The following UTS2B variants were observed in gnomAD, a reference collection of about 807,000 sequenced individuals.
UTS2B encodes urotensin 2B, also known as urotensin-2B.
A neutral mutation model predicts 19.2 loss-of-function variants in UTS2B; 21 were observed. The observed-to-expected ratio is 1.09, with a 90% CI of 0.78 to 1.58. The LOEUF (loss-of-function observed/expected upper bound fraction) is 1.58, where lower values mean the gene tolerates loss of function less well. UTS2B is among the 40% of genes most tolerant of loss of function. The pLI is 0.00. For synonymous variants in UTS2B, 57 were observed against 50.2 expected, an observed-to-expected ratio of 1.14 and a Z score of -0.58; for missense variants, 138 against 130.3, an observed-to-expected ratio of 1.06 and a Z score of -0.29.
intron 7 of UTS2B, 83 bp downstream of exon 7, chr3:191,276,719 ATAATT>A (rs1716245775): frequency 4.4e-6 from 5 of 1,133,630 alleles, no homozygotes; most frequent in Non-Finnish European, 6.3e-6. Flanking sequence ...TGTAGTATTA[ATAATT>A]TATTTTAAAA....
chr3:191,286,690 T>G (rs2603678), intron 4 of UTS2B, among the ~76,000 whole-genome samples: 1 of 151,770 alleles, frequency 6.6e-6, no homozygotes, highest in South Asian at 2.1e-4. Context: ...AATAAACACC[T>G]ATTACATCTC....
the UTS2B span, among the ~76,000 whole-genome samples, chr3:191,340,861 G>A: frequency 6.6e-6 from 1 of 152,116 alleles, no homozygotes; most frequent in Non-Finnish European, 1.5e-5. Context: ...CTAGAGACAG[G>A]GTTTCACTCT....
chr3:191,275,223 A>C (rs1373210371), intron 8 of UTS2B, 29 bp downstream of exon 8: 13 of 1,505,364 alleles, frequency 8.6e-6, no homozygotes, highest in Non-Finnish European at 1.1e-5. Context: ...TTTGGAAGTC[A>C]ATCTTAAAAC....
In UTS2B at chr3:191,316,240, T is replaced by C. The variant is rs12486514; in HGVS notation, c.-386A>G. 5,533 of 152,862 alleles carry C rather than the reference T, an allele frequency of 0.036. 264 individuals carry two copies. Among genetic ancestry groups the C allele is most frequent in the East Asian group, 0.21 (1,097 of 5,186 alleles). The allele number at this position is 152,862 out of a possible 1,614,324, so 9.5% of individuals were successfully genotyped here. A position where few individuals can be genotyped will look rare whatever the true frequency, so the allele number is the denominator to read the frequency against. On this transcript the variant is annotated 5_prime_UTR_variant, in exon 3 of 9. Transcript: ENST00000340524. ...TGCCGGAATTGGTGGGTTCTTGGTC[T>C]CACAGACTTAAAGAATGAAGCCGCA... is the stretch of plus-strand genomic sequence containing the variant.
intron 8 of UTS2B, chr3:191,273,487 T>C (rs1459204654): frequency 2.2e-6 from 1 of 456,628 alleles, no homozygotes; most frequent in Non-Finnish European, 4.4e-6. Flanking sequence ...AATTGAAAGC[T>C]GGGATGTATC....
intron 4 of UTS2B, among the ~76,000 whole-genome samples, chr3:191,291,065 GTTC>G (rs145355495): frequency 0.21 from 32,219 of 152,024 alleles, 3,591 homozygotes; most frequent in Non-Finnish European, 0.24. Flanking sequence ...GGTGCTTGGA[GTTC>G]TTTTTTTCAT....
At chr3:191,301,579 T>C (rs6444537) in intron 4 of UTS2B, among the ~76,000 whole-genome samples, 40,740 of 146,232 alleles carry the variant, frequency 0.28, 6,319 homozygotes, top group African/African-American at 0.42. Flanking sequence ...CTCCGCCGCC[T>C]GGGTTCACAC....
At position 191,284,747 on chromosome 3, in the gene UTS2B, T is replaced by C. The variant is rs545443070; in HGVS notation, c.-124-2434A>G. ...TATAATTTTGTTTCACATCTTTTTT[T>C]CCACAAAGTTTTAAGAAATCTGATA... On this transcript the variant is annotated intron_variant, in intron 4 of 8. Coordinates refer to ENST00000340524, the MANE Select transcript of UTS2B (RefSeq NM_198152.5). Among the ~76,000 whole-genome samples the C allele has an allele frequency of 7.2e-5, 11 of 151,954 alleles. 2 individuals carry two copies. The highest frequency in any genetic ancestry group is 2.7e-4 in the African/African-American group (11 of 41,502).
chr3:191,282,462 A>C (rs751773863), intron 4 of UTS2B, 149 bp from the exon 5 acceptor site: 5 of 317,716 alleles, frequency 1.6e-5, no homozygotes, highest in Non-Finnish European at 2.9e-5. Flanking sequence ...ATACCCGCCC[A>C]CTTCACTAAA....
Position 191,269,551 on chromosome 3 carries a change from A to C in UTS2B, c.335-1110T>G, listed in dbSNP as rs1259536948. On this transcript the variant is annotated intron_variant, in intron 8 of 8. Transcript: ENST00000340524. ...GATGAGGCTTCTCACTATATTCCCC[A>C]GCCTGGACCACAGTGGCTATTCACA... is the stretch of plus-strand genomic sequence containing the variant. Among the ~76,000 whole-genome samples the C allele has an allele frequency of 6.1e-5, 9 of 148,508 alleles. No individual in the cohort carries two copies. The Admixed American group carries it at 6.1e-4, about 10-fold the overall frequency.
chr3:191,279,974 T>TTTGA (rs1473667074), intron 5 of UTS2B, among the ~76,000 whole-genome samples: 2 of 152,134 alleles, frequency 1.3e-5, no homozygotes, highest in Non-Finnish European at 2.9e-5. Context: ...AAAGGAAATA[T>TTTGA]TTGAATATAA....
At chr3:191,301,946 G>C (rs1023907906) in intron 4 of UTS2B, among the ~76,000 whole-genome samples, 1 of 152,166 alleles carries the variant, frequency 6.6e-6, no homozygotes, top group South Asian at 2.1e-4. Context: ...AGAGGCATTT[G>C]AAACAGAGTG....
chr3:191,308,411 G>C (rs181789800), intron 3 of UTS2B, among the ~76,000 whole-genome samples: 228 of 152,230 alleles, frequency 1.5e-3, no homozygotes, highest in African/African-American at 5.0e-3. Context: ...ATTACCAGTT[G>C]CTGTATTACC....
the UTS2B span, among the ~76,000 whole-genome samples, chr3:191,335,652 G>T: frequency 2.0e-4 from 30 of 152,028 alleles, no homozygotes; most frequent in Non-Finnish European, 2.1e-4. Context: ...GTGTGCATAG[G>T]ATAGTTTTTA....
chr3:191,325,060 AAT>A (rs1397723135), intron 2 of UTS2B, among the ~76,000 whole-genome samples: 4 of 76,014 alleles, frequency 5.3e-5, no homozygotes, highest in African/African-American at 7.6e-5. Context: ...AGGAAAAAAA[AAT>A]AATATTAATA....
intron 3 of UTS2B, among the ~76,000 whole-genome samples, chr3:191,313,903 G>T (rs111761706): frequency 3.3e-5 from 5 of 151,538 alleles, no homozygotes; most frequent in African/African-American, 1.2e-4. Context: ...ACTAATTTTT[G>T]TATTTTTAGT....
At chr3:191,333,608 G>C (rs527633594), upstream of UTS2B, among the ~76,000 whole-genome samples, 1 of 152,128 alleles carries the variant, frequency 6.6e-6, no homozygotes, top group East Asian at 1.9e-4. Context: ...TTATGTCTTA[G>C]TTATCTTGCT....
At chr3:191,297,459 A>T (rs748634309) in intron 4 of UTS2B, among the ~76,000 whole-genome samples, 46 of 152,354 alleles carry the variant, frequency 3.0e-4, no homozygotes, top group Non-Finnish European at 1.3e-4. Context: ...TTATTTTAAA[A>T]ATGTGAGATC....
the UTS2B span, among the ~76,000 whole-genome samples, chr3:191,337,447 C>T: frequency 5.3e-5 from 8 of 151,654 alleles, no homozygotes; most frequent in African/African-American, 7.3e-5. Context: ...CAGGCTCGAG[C>T]GATTCTCCTG....
Sources: allele counts gnomAD v4.1 joint callset (sites outside exome capture counted in the v4.1 genomes callset), GRCh38; gene constraint gnomAD v4.1.1; transcripts MANE v1.5; gene names NCBI Gene and HGNC (gene_info 2026-07-23, HGNC 2026-07-21).